The following MTUS2 variants were observed in gnomAD, a reference collection of about 807,000 sequenced individuals.
MTUS2 encodes microtubule-associated tumor suppressor candidate 2.
MTUS2 carries 40 observed loss-of-function variants against 114.1 expected under a neutral mutation model. The ratio of observed to expected loss-of-function variants is 0.35; its 90% confidence interval spans 0.27 to 0.46. The LOEUF is 0.46. Among genes scored for constraint, MTUS2 ranks in the 20% least tolerant of loss-of-function variants. MTUS2 has a pLI of 1.00. For synonymous variants in MTUS2, 688 were observed against 672.0 expected, an observed-to-expected ratio of 1.02 and a Z score of -0.37; for missense variants, 1,679 against 1,705.4, an observed-to-expected ratio of 0.98 and a Z score of 0.27.
intron 9 of MTUS2, among the ~76,000 whole-genome samples, chr13:29,462,027 A>G (rs534523157): frequency 6.6e-6 from 1 of 152,200 alleles, no homozygotes; most frequent in Non-Finnish European, 1.5e-5. Context: ...GGAAAATCAC[A>G]AGTACAAAGG....
intron 5 of MTUS2, among the ~76,000 whole-genome samples, chr13:29,131,624 C>T (rs1458000125): frequency 6.6e-6 from 1 of 152,232 alleles, no homozygotes; most frequent in Non-Finnish European, 1.5e-5. Context: ...AACGGCTGGT[C>T]CAAGCCTGCT....
At chr13:28,943,233 C>G (rs964330527) in intron 2 of MTUS2, among the ~76,000 whole-genome samples, 2 of 152,070 alleles carry the variant, frequency 1.3e-5, no homozygotes, top group African/African-American at 4.8e-5. Flanking sequence ...ATGTAATGTG[C>G]CCAGCATAGT....
intron 2 of MTUS2, among the ~76,000 whole-genome samples, chr13:28,876,824 T>G (rs1240797558): frequency 6.6e-6 from 1 of 152,160 alleles, no homozygotes; most frequent in Non-Finnish European, 1.5e-5. Context: ...CTTATCCTCT[T>G]TGTTATGTCC....
chr13:29,022,768 A>T (rs1385552359), intron 2 of MTUS2, among the ~76,000 whole-genome samples: 1 of 152,240 alleles, frequency 6.6e-6, no homozygotes, highest in Non-Finnish European at 1.5e-5. Flanking sequence ...GGATGAAACA[A>T]TGTCAACCTT....
intron 5 of MTUS2, among the ~76,000 whole-genome samples, chr13:29,157,164 A>C (rs938055265): frequency 2.6e-5 from 4 of 152,168 alleles, no homozygotes; most frequent in East Asian, 1.9e-4. Context: ...AACTATTGCA[A>C]ACTAAGCTGT....
At chr13:29,117,782 C>T (rs1247902587) in intron 5 of MTUS2, among the ~76,000 whole-genome samples, 1 of 152,192 alleles carries the variant, frequency 6.6e-6, no homozygotes, top group African/African-American at 2.4e-5. Flanking sequence ...TTTACGCTGA[C>T]CCCTTTGATT....
At position 28,885,723 on chromosome 13, in the gene MTUS2, A is replaced by G. The variant is rs115233689; in HGVS notation, c.-243+45873A>G. On this transcript the variant is annotated intron_variant, in intron 2 of 15. Transcript: ENST00000612955. ...TATTCAACACTATTTCTGAGAGTGA[A>G]TAGCTGTTGATTTGATATATATCCA... Among the ~76,000 whole-genome samples, 310 of 152,342 alleles carry G rather than the reference A, an allele frequency of 2.0e-3. 1 individual carries two copies. The highest frequency in any genetic ancestry group is 7.4e-3 in the African/African-American group (306 of 41,578).
intron 5 of MTUS2, among the ~76,000 whole-genome samples, chr13:29,123,849 C>A (rs1566020265): frequency 6.6e-6 from 1 of 152,192 alleles, no homozygotes; most frequent in Non-Finnish European, 1.5e-5. Flanking sequence ...GTGGTAGTGT[C>A]CCCGGGCCTC....
chr13:29,099,508 C>T (rs1030344824), intron 4 of MTUS2, among the ~76,000 whole-genome samples: 1 of 8,124 alleles, frequency 1.2e-4, no homozygotes, highest in Non-Finnish European at 1.2e-3. Context: ...TATTGCTGCT[C>T]TCTTATTCCC....
Position 29,026,741 on chromosome 13 carries a change from A to C in MTUS2, c.2043A>C (p.Glu681Asp), listed in dbSNP as rs1363794358. The stretch of plus-strand genomic sequence containing the variant: ...CATGTACCATGCCTCTTCCCCACGA[A>C]GAGAAGGCAGCAGGTGGTGACCTGA... ...PPTCTMPLPH[E>D]EKAAGGDLKP... Residue 681 changes from glutamate to aspartate, a missense_variant, in exon 3 of 16, where the codon GAA becomes GAC. Glu to Asp is a conservative substitution (Grantham distance 45). This residue lies in a region of MTUS2 where 822 missense variants were observed against 899.7 expected (regional missense o/e 0.91). Coordinates refer to ENST00000612955, the MANE Select transcript of MTUS2 (RefSeq NM_001033602.4). 6.2e-7 allele frequency: 1 copy of C among 1,613,992 alleles called. No homozygotes were observed. The highest frequency in any genetic ancestry group is 1.1e-5 in the South Asian group (1 of 91,082).
At chr13:28,875,185 G>C (rs1044430998) in intron 2 of MTUS2, among the ~76,000 whole-genome samples, 2 of 151,954 alleles carry the variant, frequency 1.3e-5, no homozygotes, top group Non-Finnish European at 2.9e-5. Flanking sequence ...GCACCAGATA[G>C]CACAGTACTT....
At chr13:29,100,302 A>G (rs1202929480) in intron 4 of MTUS2, among the ~76,000 whole-genome samples, 1 of 152,196 alleles carries the variant, frequency 6.6e-6, no homozygotes, top group African/African-American at 2.4e-5. Flanking sequence ...TTCTTTGTAC[A>G]TATTTTTCAT....
intron 4 of MTUS2, among the ~76,000 whole-genome samples, chr13:29,064,820 T>C (rs1003405569): frequency 2.0e-5 from 3 of 152,060 alleles, no homozygotes; most frequent in African/African-American, 7.2e-5. Context: ...TCTGCTTCTC[T>C]CTTTATGTCC....
At position 28,996,768 on chromosome 13, in the gene MTUS2, G is replaced by A. The variant is rs111859101; in HGVS notation, c.-242-27689G>A. ...TATCCCCTTTGTCATTTTTTATTGC[G>A]TCTATTTGATTCTTTTCTCTTTTCT... On this transcript the variant is annotated intron_variant, in intron 2 of 15. Transcript: ENST00000612955. 3.6e-3 allele frequency among the ~76,000 whole-genome samples: 547 copies of A among 152,090 alleles called. 3 individuals are homozygous for A. The highest frequency in any genetic ancestry group is 0.013 in the African/African-American group (521 of 41,490).
chr13:29,476,018 C>T (rs373918762), intron 9 of MTUS2, among the ~76,000 whole-genome samples: 28 of 152,298 alleles, frequency 1.8e-4, no homozygotes, highest in African/African-American at 6.7e-4. Context: ...GTAAGTACCC[C>T]GTGCAGGTGT....
chr13:29,120,196 T>A (rs1031752104), intron 5 of MTUS2, among the ~76,000 whole-genome samples: 5 of 152,020 alleles, frequency 3.3e-5, no homozygotes, highest in Non-Finnish European at 7.4e-5. Context: ...AATCACAAAT[T>A]GATATTATAT....
At chr13:29,336,150 C>G (rs527726874) in intron 7 of MTUS2, among the ~76,000 whole-genome samples, 1 of 152,158 alleles carries the variant, frequency 6.6e-6, no homozygotes, top group African/African-American at 2.4e-5. Context: ...GTCAGTTCGT[C>G]GAACTCATTC....
intron 2 of MTUS2, among the ~76,000 whole-genome samples, chr13:28,926,724 A>G (rs1053692589): frequency 2.0e-5 from 3 of 152,186 alleles, no homozygotes; most frequent in Non-Finnish European, 4.4e-5. Context: ...TAGTTTATCA[A>G]TCATCTTTTC....
chr13:29,195,237 G>A (rs1894635593), intron 5 of MTUS2, among the ~76,000 whole-genome samples: 1 of 113,318 alleles, frequency 8.8e-6, no homozygotes, highest in African/African-American at 3.3e-5. Flanking sequence ...AAAACTTAAA[G>A]TATAATAATA....
Sources: allele counts gnomAD v4.1 joint callset (sites outside exome capture counted in the v4.1 genomes callset), GRCh38; gene constraint gnomAD v4.1.1; regional missense constraint gnomAD v4.1.1; transcripts MANE v1.5; gene names NCBI Gene and HGNC (gene_info 2026-07-23, HGNC 2026-07-21).